The following UBTD2 variants were observed in gnomAD, a reference collection of about 807,000 sequenced individuals.
UBTD2 encodes the protein ubiquitin domain-containing protein 2.
In UBTD2, 9 loss-of-function variants were observed where a neutral mutation model predicts 19.8. The ratio of observed to expected loss-of-function variants is 0.46; its 90% CI spans 0.27 to 0.79. UBTD2 has a LOEUF of 0.79. Among genes scored for constraint, UBTD2 ranks in the 30% least tolerant of loss-of-function variants. The probability of loss-of-function intolerance (pLI) is 0.14; values close to 1 mark genes in which losing one functional copy is unlikely to be tolerated. For synonymous variants in UBTD2, 98 were observed against 103.9 expected, an observed-to-expected ratio of 0.94 and a Z score of 0.35; for missense variants, 250 against 300.4, an observed-to-expected ratio of 0.83 and a Z score of 1.24.
chr5:172,239,968 C>T (rs1448938128), intron 1 of UBTD2, among the ~76,000 whole-genome samples: 1 of 152,208 alleles, frequency 6.6e-6, no homozygotes, highest in Non-Finnish European at 1.5e-5. Flanking sequence ...TCCATTATAG[C>T]ACTCCATGTC....
intron 1 of UBTD2, among the ~76,000 whole-genome samples, chr5:172,257,129 C>G (rs1475478269): frequency 1.3e-5 from 2 of 152,192 alleles, no homozygotes; most frequent in Non-Finnish European, 2.9e-5. Context: ...TTATGATCCT[C>G]ACCCTCCTCC....
rs535815046 is a variant in UBTD2, at chr5:172,263,688, G to T, written c.70+19908C>A. ...GGGCGCCTGTGGTCCCAGCTACTCCGGAGGCTGAGGCAGGAGAATGGCGTG... is the reference window on the plus strand; with the variant it reads ...GGGCGCCTGTGGTCCCAGCTACTCCTGAGGCTGAGGCAGGAGAATGGCGTG... On this transcript the variant is annotated intron_variant, in intron 1 of 2. Transcript: ENST00000393792. 1.4e-4 allele frequency among the ~76,000 whole-genome samples: 22 copies of T among 152,204 alleles called. No homozygotes were observed. In the South Asian group the frequency reaches 4.6e-3, roughly 32 times the overall value.
intron 2 of UBTD2, among the ~76,000 whole-genome samples, chr5:172,218,810 TAAAAAATA>T (rs770043688): frequency 0.34 from 43,754 of 128,252 alleles, 6,772 homozygotes; most frequent in South Asian, 0.45. Context: ...AAAAAAAAAA[TAAAAAATA>T]AAAATAAAAA....
intron 1 of UBTD2, among the ~76,000 whole-genome samples, chr5:172,276,461 T>C (rs973582791): frequency 6.6e-6 from 1 of 152,166 alleles, no homozygotes; most frequent in Non-Finnish European, 1.5e-5. Flanking sequence ...CTTCCAAGCT[T>C]TACTTCATAA....
chr5:172,242,486 G>T, intron 1 of UBTD2: 1 of 919,514 alleles, frequency 1.1e-6, no homozygotes, highest in Non-Finnish European at 1.3e-6. Context: ...ATACGGCAAT[G>T]TGTGAAGACA....
At chr5:172,263,992 A>AT (rs1243167572) in intron 1 of UBTD2, among the ~76,000 whole-genome samples, 1 of 152,062 alleles carries the variant, frequency 6.6e-6, no homozygotes, top group Non-Finnish European at 1.5e-5. Flanking sequence ...CTAGGCTCTA[A>AT]TTTTTATATG....
At chr5:172,245,580 C>T (rs544334910) in intron 1 of UBTD2, among the ~76,000 whole-genome samples, 2 of 152,180 alleles carry the variant, frequency 1.3e-5, no homozygotes, top group South Asian at 2.1e-4. Flanking sequence ...CACGTGGTGG[C>T]GCATGCCTGT....
In UBTD2 at chr5:172,265,285, G is replaced by T. The variant is rs549786689; in HGVS notation, c.70+18311C>A. Among the ~76,000 whole-genome samples the T allele has an allele frequency of 3.9e-4, 60 of 152,324 alleles. 2 individuals carry two copies. The highest frequency in any genetic ancestry group is 1.4e-3 in the African/African-American group (59 of 41,566). The stretch of plus-strand genomic sequence containing the variant: ...TTCTGTACAACTAAGGAACCAGTCA[G>T]TAATAAAATAATTTCACCCAAAACC... On this transcript the variant is annotated intron_variant, in intron 1 of 2. Transcript: ENST00000393792.
At chr5:172,251,314 C>CAAAAAAAAAAAAAAGAAAAAAAAAA (rs57577423) in intron 1 of UBTD2, among the ~76,000 whole-genome samples, 2 of 118,218 alleles carry the variant, frequency 1.7e-5, no homozygotes, top group African/African-American at 6.8e-5. Context: ...GAGCCTATCT[C>CAAAAAAAAAAAAAAGAAAAAAAAAA]AAAAAAAAAA....
At chr5:172,236,374 G>A (rs990568536) in intron 1 of UBTD2, among the ~76,000 whole-genome samples, 4 of 152,212 alleles carry the variant, frequency 2.6e-5, no homozygotes, top group African/African-American at 9.6e-5. Context: ...AGTGTCTACT[G>A]GGAGTAACAC....
intron 1 of UBTD2, among the ~76,000 whole-genome samples, chr5:172,240,893 C>T (rs1772112986): frequency 6.6e-6 from 1 of 152,060 alleles, no homozygotes; most frequent in African/African-American, 2.4e-5. Flanking sequence ...CAAGATCAGC[C>T]TGGGCAGCAT....
intron 1 of UBTD2, among the ~76,000 whole-genome samples, chr5:172,239,527 T>C (rs1318875512): frequency 1.3e-5 from 2 of 152,022 alleles, no homozygotes; most frequent in East Asian, 3.9e-4. Flanking sequence ...TTCATGTGAT[T>C]CTCCTGCCTC....
intron 1 of UBTD2, among the ~76,000 whole-genome samples, chr5:172,256,134 C>T (rs904096839): frequency 6.6e-6 from 1 of 151,924 alleles, no homozygotes; most frequent in Non-Finnish European, 1.5e-5. Flanking sequence ...ATAGCAAGGT[C>T]AAAGAAATAC....
intron 1 of UBTD2, among the ~76,000 whole-genome samples, chr5:172,243,199 T>C (rs1291681299): frequency 1.3e-5 from 2 of 151,326 alleles, no homozygotes; most frequent in African/African-American, 4.9e-5. Context: ...CCTCAAACCC[T>C]GTAAAGAATA....
At chr5:172,223,001 A>C (rs1771684328) in intron 2 of UBTD2, among the ~76,000 whole-genome samples, 1 of 152,244 alleles carries the variant, frequency 6.6e-6, no homozygotes, top group Non-Finnish European at 1.5e-5. Flanking sequence ...ATTGATTGGA[A>C]TCATGACTGC....
intron 1 of UBTD2, among the ~76,000 whole-genome samples, chr5:172,243,570 T>TTTTC (rs1772175329): frequency 6.7e-6 from 1 of 149,268 alleles, no homozygotes; most frequent in South Asian, 2.2e-4. Flanking sequence ...TTTTTTTTTT[T>TTTTC]TTTTTTTAAG....
intron 1 of UBTD2, among the ~76,000 whole-genome samples, chr5:172,239,156 C>T (rs1054173739): frequency 2.0e-5 from 3 of 152,168 alleles, no homozygotes; most frequent in African/African-American, 7.2e-5. Flanking sequence ...TGCAAATCTT[C>T]TCTACTGTTT....
chr5:172,218,522 C>A (rs1341618133), intron 2 of UBTD2, among the ~76,000 whole-genome samples: 1 of 151,990 alleles, frequency 6.6e-6, no homozygotes, highest in African/African-American at 2.4e-5. Context: ...GTGGCCCATG[C>A]CTGTAATCCC....
At chr5:172,255,111 G>A in intron 1 of UBTD2, 1 of 481,234 alleles carries the variant, frequency 2.1e-6, no homozygotes, top group Middle Eastern at 3.5e-4. Flanking sequence ...TGGAGAAGGG[G>A]ATGAGTATTT....
Sources: allele counts gnomAD v4.1 joint callset (sites outside exome capture counted in the v4.1 genomes callset), GRCh38; gene constraint gnomAD v4.1.1; transcripts MANE v1.5; gene names NCBI Gene and HGNC (gene_info 2026-07-23, HGNC 2026-07-21).